SLC7A2: variants seen among roughly 807,000 people sequenced by gnomAD.
SLC7A2 encodes solute carrier family 7 member 2, also known as cationic amino acid transporter 2.
A neutral mutation model predicts 58.9 loss-of-function variants in SLC7A2; 48 were observed. The observed-to-expected ratio is 0.82, with a 90% confidence interval of 0.65 to 1.04. SLC7A2 has a LOEUF of 1.04. Ranked by LOEUF, SLC7A2 falls within the 50% of genes least tolerant of loss-of-function variation. The pLI is 0.00. For synonymous variants in SLC7A2, 363 were observed against 314.5 expected (o/e 1.15, Z -1.63); for missense variants, 1,029 against 818.8 (o/e 1.26, Z -3.13).
At chr8:17,528,440 A>C (rs1469593002) in intron 2 of SLC7A2, among the ~76,000 whole-genome samples, 1 of 151,966 alleles carries the variant, frequency 6.6e-6, no homozygotes, top group Non-Finnish European at 1.5e-5. Context: ...GCCGGAGTGC[A>C]GTGGCATGAT....
intron 2 of SLC7A2, among the ~76,000 whole-genome samples, chr8:17,538,533 AAATT>A (rs1801770004): frequency 6.6e-6 from 1 of 152,224 alleles, no homozygotes; most frequent in African/African-American, 2.4e-5. Context: ...ATTTGTAAAG[AAATT>A]AATCTCTCAA....
chr8:17,547,099 A>G (rs955289212), intron 4 of SLC7A2, among the ~76,000 whole-genome samples: 6 of 152,184 alleles, frequency 3.9e-5, no homozygotes, highest in African/African-American at 7.2e-5. Context: ...TTATAAATCA[A>G]TGTATTAGTC....
chr8:17,545,643 C>T (rs1297403609), intron 4 of SLC7A2, among the ~76,000 whole-genome samples: 3 of 152,012 alleles, frequency 2.0e-5, no homozygotes, highest in African/African-American at 7.2e-5. Context: ...AGTGATCCCC[C>T]TGCCTCAGCC....
intron 2 of SLC7A2, among the ~76,000 whole-genome samples, chr8:17,507,903 G>C (rs548642985): frequency 4.6e-5 from 7 of 152,090 alleles, no homozygotes; most frequent in Non-Finnish European, 7.4e-5. Context: ...ATTTGGATAA[G>C]CTATTTTCGT....
intron 2 of SLC7A2, among the ~76,000 whole-genome samples, chr8:17,521,313 G>A (rs1475873063): frequency 1.3e-5 from 2 of 152,306 alleles, no homozygotes; most frequent in African/African-American, 4.8e-5. Context: ...AAAAAACCTC[G>A]TAAATGGCCT....
chr8:17,535,767 G>T (rs1485249820), intron 2 of SLC7A2, among the ~76,000 whole-genome samples: 2 of 152,038 alleles, frequency 1.3e-5, no homozygotes, highest in Non-Finnish European at 2.9e-5. Context: ...GCTAAGTGTG[G>T]TGGTGGGCGC....
intron 4 of SLC7A2, among the ~76,000 whole-genome samples, chr8:17,547,763 T>G (rs1802242047): frequency 6.7e-6 from 1 of 148,906 alleles, no homozygotes. Context: ...AAAATGAGAT[T>G]ATATATTTAC....
chr8:17,495,006 A>G (rs143422679), upstream of SLC7A2, among the ~76,000 whole-genome samples: 162 of 152,374 alleles, frequency 1.1e-3, no homozygotes, highest in African/African-American at 3.6e-3. Context: ...TTCCAGATAA[A>G]TTTGTTTATC....
chr8:17,532,744 AAGT>A (rs1253662914), intron 2 of SLC7A2, among the ~76,000 whole-genome samples: 1 of 152,210 alleles, frequency 6.6e-6, no homozygotes, highest in Non-Finnish European at 1.5e-5. Flanking sequence ...AAAGTGTGAA[AAGT>A]AGGTTTTACA....
rs929592835 is a variant in SLC7A2, at chr8:17,558,433, C to A, written c.1298+36C>A. On this transcript the variant is annotated intron_variant, in intron 9 of 12. Coordinates refer to ENST00000494857, the MANE Select transcript of SLC7A2 (RefSeq NM_001370338.1). ...TGGTGGTTCTACAGGGTGTACCATG[C>A]ACGAGGGACTCTGGGAGTGAGAAAA... 3.7e-6 allele frequency: 5 copies of A among 1,344,906 alleles called. No individual in the cohort carries two copies. In the South Asian group the frequency reaches 6.1e-5, roughly 16 times the overall value. 83.3% of individuals were successfully genotyped at this position (1,344,906 alleles called of 1,614,324 possible).
chr8:17,530,178 C>G (rs940425477), intron 2 of SLC7A2, among the ~76,000 whole-genome samples: 1 of 152,092 alleles, frequency 6.6e-6, no homozygotes, highest in Non-Finnish European at 1.5e-5. Context: ...TACGTTCCCC[C>G]CTGCCCCCCA....
chr8:17,568,354 G>T lies in SLC7A2; in HGVS notation c.*3208G>T, dbSNP rs1270349545. 6.6e-6 allele frequency: 1 copy of T among 151,900 alleles called. No individual in the cohort carries two copies. Among genetic ancestry groups the T allele is most frequent in the African/African-American group, 2.4e-5 (1 of 41,360 alleles). The allele number at this position is 151,900 out of a possible 1,614,324, so 9.4% of individuals were successfully genotyped here. On this transcript the variant is annotated 3_prime_UTR_variant, in exon 13 of 13. Coordinates refer to ENST00000494857, the MANE Select transcript of SLC7A2 (RefSeq NM_001370338.1). ...AAAACTATGAGGAAAACTTATATTA[G>T]AACTTTTGATATATACTAAAATACT...
chr8:17,531,552 A>G (rs1486696961), intron 2 of SLC7A2, among the ~76,000 whole-genome samples: 1 of 152,116 alleles, frequency 6.6e-6, no homozygotes, highest in Admixed American at 6.5e-5. Flanking sequence ...TTATTTAAAT[A>G]TTTTAAAATT....
At chr8:17,564,760 A>T (rs562669399) in intron 12 of SLC7A2, among the ~76,000 whole-genome samples, 190 bp from the exon 13 acceptor site, 2 of 152,158 alleles carry the variant, frequency 1.3e-5, no homozygotes, top group East Asian at 3.9e-4. Context: ...CTGCTTGCTC[A>T]CTTCCTGTTG....
rs746466178 is a variant in SLC7A2, at chr8:17,554,521, G to C, written c.1056-39G>C. 6 of 1,507,608 alleles carry C rather than the reference G, an allele frequency of 4.0e-6. No individual in the cohort carries two copies. In the East Asian group the frequency reaches 1.4e-4, roughly 36 times the overall value. 93.4% of individuals were successfully genotyped at this position (1,507,608 alleles called of 1,614,324 possible). On this transcript the variant is annotated intron_variant, in intron 7 of 12. Transcript: ENST00000494857. ...TCCGTTCGGGGATGTAATCTTGCAT[G>C]AATGTTTGCCATACTGCATGTGTTT...
rs900497841 is a variant in SLC7A2 at position 17,569,139 on chromosome 8, G to A, written c.*3993G>A. The A allele has an allele frequency of 5.9e-5, 9 of 152,028 alleles. No homozygotes were observed. Among genetic ancestry groups the A allele is most frequent in the Non-Finnish European group, 8.8e-5 (6 of 68,014 alleles). 9.4% of individuals were successfully genotyped at this position (152,028 alleles called of 1,614,324 possible). A position where few individuals can be genotyped will look rare whatever the true frequency, so the allele number is the denominator to read the frequency against. On this transcript the variant is annotated 3_prime_UTR_variant, in exon 13 of 13. Transcript: ENST00000494857. ...CTCCTCTTAAATCAGGGTGTGTTCCGAGATTACAGAACATCACACCTTGGC... is the reference window on the plus strand; with the variant it reads ...CTCCTCTTAAATCAGGGTGTGTTCCAAGATTACAGAACATCACACCTTGGC...
At chr8:17,543,217 A>AACACACAC in intron 2 of SLC7A2, 101 bp from the exon 3 acceptor site, 1 of 774,854 alleles carries the variant, frequency 1.3e-6, no homozygotes, top group Non-Finnish European at 1.9e-6. Context: ...CACACACACA[A>AACACACAC]ACACACACAC....
At chr8:17,542,234 C>T (rs1024125729) in intron 2 of SLC7A2, among the ~76,000 whole-genome samples, 5 of 152,264 alleles carry the variant, frequency 3.3e-5, no homozygotes, top group Middle Eastern at 3.4e-3. Flanking sequence ...CTGTAGAATA[C>T]GTAATGATTA....
At chr8:17,530,178 C>A (rs940425477) in intron 2 of SLC7A2, among the ~76,000 whole-genome samples, 10 of 152,092 alleles carry the variant, frequency 6.6e-5, no homozygotes, top group Admixed American at 2.0e-4. Flanking sequence ...TACGTTCCCC[C>A]CTGCCCCCCA....
Sources: gnomAD v4.1 joint callset for allele counts (sites outside exome capture counted in the v4.1 genomes callset) on GRCh38, gnomAD v4.1.1 for gene constraint, MANE v1.5 for transcripts, NCBI Gene and HGNC (gene_info 2026-07-23, HGNC 2026-07-21) for gene names.